The following B4GALT6 variants were observed in gnomAD, a reference collection of about 807,000 sequenced individuals.
B4GALT6 encodes UDP-Gal:beta-GlcNAc beta-1,4-galactosyltransferase 6.
B4GALT6 carries 14 observed loss-of-function variants against 46.3 expected under a neutral mutation model. That is an observed-to-expected ratio of 0.30 (90% CI 0.20 to 0.47). The LOEUF is 0.47. Among genes scored for constraint, B4GALT6 ranks in the 20% least tolerant of loss-of-function variants. B4GALT6 has a pLI of 0.99. For synonymous variants in B4GALT6, 168 were observed against 162.0 expected, an observed-to-expected ratio of 1.04 and a Z score of -0.28; for missense variants, 386 against 480.1, an observed-to-expected ratio of 0.80 and a Z score of 1.83.
At position 31,622,272 on chromosome 18, in the gene B4GALT6, G is replaced by A. The variant is rs1179834564; in HGVS notation, c.*3342C>T. 1 of 151,850 alleles carries A rather than the reference G, an allele frequency of 6.6e-6. No individual in the cohort carries two copies. The highest frequency in any genetic ancestry group is 1.9e-4 in the East Asian group (1 of 5,198). 9.4% of individuals were successfully genotyped at this position (151,850 alleles called of 1,614,324 possible). ...CTTTAGAACATTATATTTCATAAAA[G>A]ACAATGATAAAAAAGTACAAACATT... is the stretch of plus-strand genomic sequence containing the variant. On this transcript the variant is annotated 3_prime_UTR_variant, in exon 9 of 9. Transcript: ENST00000306851.
chr18:31,724,203 C>A, the B4GALT6 span: 95 of 271,224 alleles, frequency 3.5e-4, no homozygotes, highest in South Asian at 3.1e-3. Flanking sequence ...TTGCCAGGGG[C>A]GCCAGCGTCT....
intron 5 of B4GALT6, among the ~76,000 whole-genome samples, chr18:31,637,007 G>T (rs1187553846): frequency 6.6e-6 from 1 of 151,854 alleles, no homozygotes; most frequent in Non-Finnish European, 1.5e-5. Context: ...TTTTAGTAGA[G>T]ACGAGGTTTC....
At position 31,645,392 on chromosome 18, in the gene B4GALT6, C is replaced by A. The variant is rs1278962933; in HGVS notation, c.434G>T (p.Gly145Val). 1 of 1,613,694 alleles carries A rather than the reference C, an allele frequency of 6.2e-7. No homozygotes were observed. Among genetic ancestry groups the A allele is most frequent in the African/African-American group, 1.3e-5 (1 of 74,910 alleles). ...FSKDLDIEPG[G>V]HWRPKDCKPR... ...TTTACAGTCTTTTGGCCTCCAATGA[C>A]CCCCTGGCTCAATATCTAAATCCTT... The change falls in exon 4 of 9, where the codon GGT becomes GTT. Residue 145 changes from glycine to valine, a missense_variant. Coordinates refer to ENST00000306851, the MANE Select transcript of B4GALT6 (RefSeq NM_004775.5).
chr18:31,644,693 A>AT (rs1003297998), intron 4 of B4GALT6, among the ~76,000 whole-genome samples: 1 of 152,150 alleles, frequency 6.6e-6, no homozygotes, highest in Non-Finnish European at 1.5e-5. Flanking sequence ...ATGGCTTTCA[A>AT]TTTTTTTAAA....
chr18:31,710,337 C>T, the B4GALT6 span, among the ~76,000 whole-genome samples: 2 of 152,024 alleles, frequency 1.3e-5, no homozygotes, highest in African/African-American at 4.8e-5. Context: ...TAATATCTTA[C>T]CATGACTCCT....
chr18:31,686,057 T>C (rs1371204174), upstream of B4GALT6: 1 of 152,396 alleles, frequency 6.6e-6, no homozygotes, highest in Non-Finnish European at 1.5e-5. Context: ...ATCCACCTCC[T>C]AGGCCGTGGT....
At chr18:31,700,845 C>T in the B4GALT6 span, among the ~76,000 whole-genome samples, 2 of 151,964 alleles carry the variant, frequency 1.3e-5, no homozygotes, top group South Asian at 2.1e-4. Flanking sequence ...CTCAGAGTGA[C>T]GATGTGGAGC....
chr18:31,684,586 T>A, upstream of B4GALT6: 1 of 1,169,076 alleles, frequency 8.6e-7, no homozygotes, highest in Non-Finnish European at 1.1e-6. Context: ...AAAGAGGAAA[T>A]GGGAGGGAGC....
chr18:31,702,062 A>T, the B4GALT6 span, among the ~76,000 whole-genome samples: 9 of 152,208 alleles, frequency 5.9e-5, no homozygotes, highest in Non-Finnish European at 1.2e-4. Context: ...TTTTAACTAC[A>T]TGGAAAGTTG....
chr18:31,684,713 A>G, upstream of B4GALT6: 1 of 1,152,364 alleles, frequency 8.7e-7, no homozygotes, highest in South Asian at 2.4e-5. Context: ...GGCAGGACGG[A>G]AGAAAGCCGG....
chr18:31,683,743 A>C (rs1352061425), intron 1 of B4GALT6, among the ~76,000 whole-genome samples: 1 of 152,168 alleles, frequency 6.6e-6, no homozygotes, highest in Non-Finnish European at 1.5e-5. Context: ...AAGCAGACTA[A>C]AATAATGGAG....
At chr18:31,715,484 C>T in the B4GALT6 span, among the ~76,000 whole-genome samples, 11 of 151,134 alleles carry the variant, frequency 7.3e-5, no homozygotes, top group South Asian at 2.3e-3. Flanking sequence ...CAGCCTCAGC[C>T]TCCCAGAGTG....
the B4GALT6 span, among the ~76,000 whole-genome samples, chr18:31,721,079 A>G: frequency 6.6e-6 from 1 of 152,052 alleles, no homozygotes; most frequent in Non-Finnish European, 1.5e-5. Flanking sequence ...CTCATGTAGC[A>G]AGCTGCACTT....
chr18:31,643,592 C>A (rs1345359280), intron 4 of B4GALT6, among the ~76,000 whole-genome samples: 1 of 152,164 alleles, frequency 6.6e-6, no homozygotes, highest in Admixed American at 6.5e-5. Flanking sequence ...AACCTTAGAT[C>A]CCTGAATTAG....
chr18:31,716,597 G>GT, the B4GALT6 span, among the ~76,000 whole-genome samples: 1 of 152,148 alleles, frequency 6.6e-6, no homozygotes, highest in Admixed American at 6.6e-5. Flanking sequence ...AACCATAGAC[G>GT]TAGGTTCTAA....
At chr18:31,673,532 G>T (rs2074381543) in intron 1 of B4GALT6, among the ~76,000 whole-genome samples, 2 of 152,190 alleles carry the variant, frequency 1.3e-5, no homozygotes, top group African/African-American at 4.8e-5. Context: ...TCAGAATTGA[G>T]CACTGACTGC....
At chr18:31,628,811 C>G (rs2073736458) in intron 6 of B4GALT6, among the ~76,000 whole-genome samples, 1 of 152,206 alleles carries the variant, frequency 6.6e-6, no homozygotes, top group Non-Finnish European at 1.5e-5. Context: ...AATCCAGGGA[C>G]TAGTCTAGAT....
chr18:31,702,297 CACTT>C, the B4GALT6 span, among the ~76,000 whole-genome samples: 1 of 152,188 alleles, frequency 6.6e-6, no homozygotes, highest in Non-Finnish European at 1.5e-5. Flanking sequence ...CTGCAGTTAA[CACTT>C]ATATATATGT....
At chr18:31,699,417 T>C in the B4GALT6 span, among the ~76,000 whole-genome samples, 1 of 151,344 alleles carries the variant, frequency 6.6e-6, no homozygotes, top group Non-Finnish European at 1.5e-5. Context: ...GGATTACAGG[T>C]GCACGCCACC....
Sources: gnomAD v4.1 joint callset for allele counts (sites outside exome capture counted in the v4.1 genomes callset) on GRCh38, gnomAD v4.1.1 for gene constraint, MANE v1.5 for transcripts, NCBI Gene and HGNC (gene_info 2026-07-23, HGNC 2026-07-21) for gene names.